SMDT1: variants seen among roughly 807,000 people sequenced by gnomAD.
SMDT1 encodes the protein essential MCU regulator, mitochondrial.
Under a neutral mutation model 5.9 loss-of-function variants are expected in SMDT1, and 6 were observed. That is an observed-to-expected ratio of 1.03 (90% confidence interval 0.56 to 2.02). SMDT1 has a LOEUF of 2.02. Among genes scored for constraint, SMDT1 ranks in the 30% most tolerant of loss-of-function variants. The probability of loss-of-function intolerance (pLI) is 0.00; values close to 1 mark genes in which losing one functional copy is unlikely to be tolerated. For synonymous variants in SMDT1, 81 were observed against 62.4 expected, an observed-to-expected ratio of 1.30 and a Z score of -1.40; for missense variants, 159 against 145.6, an observed-to-expected ratio of 1.09 and a Z score of -0.47.
At chr22:42,082,390 G>A (rs1602512275) in intron 2 of SMDT1, among the ~76,000 whole-genome samples, 2 of 152,064 alleles carry the variant, frequency 1.3e-5, no homozygotes, top group South Asian at 2.1e-4. Flanking sequence ...TAGTAGAGAC[G>A]GGGTTTCTCC....
At chr22:42,080,954 A>T (rs1927737171) in intron 1 of SMDT1, among the ~76,000 whole-genome samples, 1 of 152,130 alleles carries the variant, frequency 6.6e-6, no homozygotes, top group South Asian at 2.1e-4. Context: ...ATATCCCTTC[A>T]CTGTACATCT....
rs373645496 is a variant in SMDT1, at chr22:42,079,934, A to G, written c.166A>G (p.Ile56Val). ...AGTCATCGTTACCCGCAGCGGCGCC[A>G]TTTTGCCCAAACCGGTGAAAGTGAG... ...RSVIVTRSGA[I>V]LPKPVKMSFG... Residue 56 changes from isoleucine to valine, a missense_variant, in exon 1 of 3, where the codon ATT (isoleucine) becomes GTT (valine). Ile to Val is a conservative substitution (Grantham distance 29, BLOSUM62 3). Coordinates refer to ENST00000331479, the MANE Select transcript of SMDT1 (RefSeq NM_033318.5). The G allele has an allele frequency of 8.1e-6, 13 of 1,612,822 alleles. No homozygotes were observed. Among genetic ancestry groups the G allele is most frequent in the Admixed American group, 5.0e-5 (3 of 59,868 alleles).
At chr22:42,080,064 T>C in intron 1 of SMDT1, 110 bp downstream of exon 1, 1 of 1,235,150 alleles carries the variant, frequency 8.1e-7, no homozygotes, top group African/African-American at 1.5e-5. Flanking sequence ...ACGATTACCG[T>C]AGACTGGAAG....
Sources: gnomAD v4.1 joint callset for allele counts (sites outside exome capture counted in the v4.1 genomes callset) on GRCh38, gnomAD v4.1.1 for gene constraint, MANE v1.5 for transcripts, NCBI Gene and HGNC (gene_info 2026-07-23, HGNC 2026-07-21) for gene names.